The following ABCC9 variants were observed in gnomAD, a reference collection of about 807,000 sequenced individuals.
The protein encoded by ABCC9 is ATP binding cassette subfamily C member 9.
Under a neutral mutation model 188.3 loss-of-function variants are expected in ABCC9, and 95 were observed. The observed-to-expected ratio is 0.50, with a 90% CI of 0.43 to 0.60. The LOEUF (loss-of-function observed/expected upper bound fraction) is 0.60. Ranked by LOEUF, ABCC9 falls within the 20% of genes least tolerant of loss-of-function variation. The pLI is 0.00. For missense variants in ABCC9, 1,102 were observed against 1,876.3 expected, an observed-to-expected ratio of 0.59 and a Z score of 7.62; for synonymous variants, 659 against 652.7, an observed-to-expected ratio of 1.01 and a Z score of -0.15.
chr12:21,920,716 C>T (rs1325748810), intron 5 of ABCC9, among the ~76,000 whole-genome samples: 1 of 151,998 alleles, frequency 6.6e-6, no homozygotes, highest in African/African-American at 2.4e-5. Flanking sequence ...TCCCAGCACC[C>T]CACGACCCTT....
intron 20 of ABCC9, among the ~76,000 whole-genome samples, chr12:21,862,341 G>A (rs558520883): frequency 1.3e-5 from 2 of 152,106 alleles, no homozygotes; most frequent in East Asian, 3.9e-4. Flanking sequence ...TTTGCTCCAG[G>A]TCCTAAAGGT....
At chr12:21,933,757 G>C in intron 4 of ABCC9, 25 bp downstream of exon 4, 1 of 1,612,100 alleles carries the variant, frequency 6.2e-7, no homozygotes, top group Non-Finnish European at 8.5e-7. Context: ...TACTGCAGTG[G>C]TATTATTTAA....
chr12:21,801,278 G>C lies in ABCC9; in HGVS notation c.4513-97C>G, dbSNP rs866552706. 9 of 1,503,984 alleles carry C rather than the reference G, an allele frequency of 6.0e-6. No individual in the cohort carries two copies. In the Middle Eastern group the frequency reaches 6.8e-4, roughly 113 times the overall value. 93.2% of individuals were successfully genotyped at this position (1,503,984 alleles called of 1,614,324 possible). ...TTTCATGAATTATTCTGGGACATTT[G>C]TTTATCTTGGTGAGTGACAAGATGT... On this transcript the variant is annotated intron_variant, in intron 39 of 39. Coordinates refer to ENST00000261200, the MANE Select transcript of ABCC9 (RefSeq NM_020297.4).
intron 4 of ABCC9, 66 bp from the exon 5 acceptor site, chr12:21,926,129 A>T: frequency 1.2e-6 from 2 of 1,607,072 alleles, no homozygotes; most frequent in Non-Finnish European, 1.7e-6. Context: ...TTTTTTTCAA[A>T]TTTTTTCATA....
chr12:21,918,602 ATT>A (rs904238269), intron 5 of ABCC9, among the ~76,000 whole-genome samples: 3 of 152,180 alleles, frequency 2.0e-5, no homozygotes, highest in Non-Finnish European at 2.9e-5. Context: ...AACTGCACAC[ATT>A]TATTAACTCA....
rs17846773 is a variant in ABCC9, at chr12:21,872,766, G to A, written c.2093-36C>T. The A allele has an allele frequency of 3.9e-3, 5,554 of 1,437,958 alleles. 203 individuals are homozygous for A. The Admixed American group carries it at 0.068, about 17-fold the overall frequency. 89.1% of individuals were successfully genotyped at this position (1,437,958 alleles called of 1,614,324 possible). A position where few individuals can be genotyped will look rare whatever the true frequency, so the allele number is the denominator to read the frequency against. On this transcript the variant is annotated intron_variant, in intron 17 of 39. Transcript: ENST00000261200. Reference sequence around the variant, plus strand: ...AAAACAAAGGATAACTACAGAATGAGATGGATTCTTGGTGAAATAACATCA... The same window carrying A: ...AAAACAAAGGATAACTACAGAATGAAATGGATTCTTGGTGAAATAACATCA...
chr12:21,939,744 G>A (rs550402699), intron 2 of ABCC9, among the ~76,000 whole-genome samples: 1 of 152,216 alleles, frequency 6.6e-6, no homozygotes, highest in South Asian at 2.1e-4. Flanking sequence ...AGAGGTGATA[G>A]AGTTGGAGAA....
At chr12:21,859,015 G>A (rs704188) in intron 22 of ABCC9, among the ~76,000 whole-genome samples, 151,454 of 152,262 alleles carry the variant, frequency 0.99, 75,329 homozygotes, top group Middle Eastern at 1. Flanking sequence ...ACAGCTAGAA[G>A]TAAATTATTA....
chr12:21,905,619 A>G (rs1948004384), intron 12 of ABCC9, among the ~76,000 whole-genome samples: 1 of 152,110 alleles, frequency 6.6e-6, no homozygotes, highest in Non-Finnish European at 1.5e-5. Context: ...TCGGAGTAAA[A>G]GCTGCAGCCA....
Position 21,916,933 on chromosome 12 carries a change from C to T in ABCC9, c.573+4G>A. 1 of 1,600,294 alleles carries T rather than the reference C, an allele frequency of 6.2e-7. No individual in the cohort carries two copies. The highest frequency in any genetic ancestry group is 2.2e-5 in the East Asian group (1 of 44,616). ...TAACTAAACAAAAGCCATTAGCTACCTACCCTGACTCGAATGACATTGATC... is the reference window on the plus strand; with the variant it reads ...TAACTAAACAAAAGCCATTAGCTACTTACCCTGACTCGAATGACATTGATC... On this transcript the variant is annotated splice_donor_region_variant and intron_variant, in intron 6 of 39. Transcript: ENST00000261200.
chr12:21,853,336 A>T (rs572615068), intron 22 of ABCC9, among the ~76,000 whole-genome samples: 1 of 152,274 alleles, frequency 6.6e-6, no homozygotes, highest in East Asian at 1.9e-4. Flanking sequence ...CAAAAAAGAA[A>T]GAAAAAAGAA....
chr12:21,915,512 A>ATTTTTTTTTTTTTTTTTTTT (rs1254915972), intron 7 of ABCC9, among the ~76,000 whole-genome samples, 156 bp downstream of exon 7: 5 of 382 alleles, frequency 0.013, no homozygotes, highest in Non-Finnish European at 0.039. Flanking sequence ...ATATATATAT[A>ATTTTTTTTTTTTTTTTTTTT]TATTTTTTTT....
At chr12:21,866,330 G>C (rs912826691) in intron 18 of ABCC9, among the ~76,000 whole-genome samples, 3 of 152,122 alleles carry the variant, frequency 2.0e-5, no homozygotes, top group Admixed American at 6.6e-5. Context: ...ATATCACTGT[G>C]ATCACAGAAT....
intron 8 of ABCC9, 101 bp from the exon 9 acceptor site, chr12:21,911,079 A>C (rs1451265771): frequency 9.7e-6 from 11 of 1,129,638 alleles, no homozygotes; most frequent in Non-Finnish European, 1.4e-5. Context: ...TTAAATACAA[A>C]AATTCAATGT....
At chr12:21,940,129 GA>G (rs1489265107) in intron 2 of ABCC9, among the ~76,000 whole-genome samples, 1 of 152,216 alleles carries the variant, frequency 6.6e-6, no homozygotes, top group Non-Finnish European at 1.5e-5. Context: ...TAAAGCAAGT[GA>G]AAACTTGTCT....
At chr12:21,804,463 T>C (rs904723698) in intron 39 of ABCC9, among the ~76,000 whole-genome samples, 1 of 152,198 alleles carries the variant, frequency 6.6e-6, no homozygotes, top group Non-Finnish European at 1.5e-5. Flanking sequence ...TCTCCCTACC[T>C]TTTCCAGCAA....
intron 39 of ABCC9, among the ~76,000 whole-genome samples, chr12:21,802,346 G>A (rs1198004720): frequency 6.6e-6 from 1 of 152,158 alleles, no homozygotes; most frequent in Admixed American, 6.5e-5. Context: ...AGATCTGTGT[G>A]ATGGGCTTTT....
intron 20 of ABCC9, among the ~76,000 whole-genome samples, chr12:21,861,816 C>T (rs1037824142): frequency 6.6e-6 from 1 of 152,014 alleles, no homozygotes; most frequent in African/African-American, 2.4e-5. Context: ...GCAGGAGGTT[C>T]ATTATGGCTA....
At chr12:21,927,803 G>A (rs1464018345) in intron 4 of ABCC9, among the ~76,000 whole-genome samples, 1 of 152,152 alleles carries the variant, frequency 6.6e-6, no homozygotes, top group Admixed American at 6.5e-5. Flanking sequence ...TAGTATGGTA[G>A]CGCTTAAAAA....
Sources: allele counts gnomAD v4.1 joint callset (sites outside exome capture counted in the v4.1 genomes callset), GRCh38; gene constraint gnomAD v4.1.1; transcripts MANE v1.5; gene names NCBI Gene and HGNC (gene_info 2026-07-23, HGNC 2026-07-21).